Variants in WDR97 observed in about 807,000 individuals in gnomAD.
WDR97 encodes the protein WD repeat domain 97.
A neutral mutation model predicts 65.4 loss-of-function variants in WDR97; 111 were observed. The ratio of observed to expected loss-of-function variants is 1.70; its 90% CI spans 1.45 to 1.99. The LOEUF (loss-of-function observed/expected upper bound fraction) is 1.99. WDR97 is among the 30% of genes most tolerant of loss of function. The pLI is 0.00. For synonymous variants in WDR97, 802 were observed against 397.7 expected, an observed-to-expected ratio of 2.02 and a Z score of -12.10; for missense variants, 1,674 against 865.0, an observed-to-expected ratio of 1.94 and a Z score of -11.73.
At position 144,116,954 on chromosome 8, in the gene WDR97, T is replaced by A. The variant is rs1814766542; in HGVS notation, c.*661T>A. The A allele has an allele frequency of 6.6e-6, 1 of 152,302 alleles. No homozygotes were observed. The highest frequency in any genetic ancestry group is 2.4e-5 in the African/African-American group (1 of 41,462). The allele number at this position is 152,302 out of a possible 1,614,324, so 9.4% of individuals were successfully genotyped here. ...AGGGCGCAAGACCTGTGCACAGAGT[T>A]CTTGGGGCAGCTCTGGGGGGAATCC... On this transcript the variant is annotated 3_prime_UTR_variant, in exon 24 of 24. Coordinates refer to ENST00000323662, the MANE Select transcript of WDR97 (RefSeq NM_001316309.2).
At chr8:144,111,554 C>T in intron 11 of WDR97, 68 bp downstream of exon 11, 1 of 688,662 alleles carries the variant, frequency 1.5e-6, no homozygotes, top group Non-Finnish European at 2.7e-6. Flanking sequence ...TGGGGCAGGC[C>T]TGGGATCCCC....
Position 144,108,575 on chromosome 8 carries a change from G to A in WDR97, c.509G>A (p.Gly170Asp), listed in dbSNP as rs1315515393. 2 of 700,818 alleles carry A rather than the reference G, an allele frequency of 2.9e-6. No individual in the cohort carries two copies. Among genetic ancestry groups the A allele is most frequent in the South Asian group, 3.0e-5 (2 of 67,516 alleles). 43.4% of individuals were successfully genotyped at this position (700,818 alleles called of 1,614,324 possible). Residue 170 changes from glycine to aspartate, a missense_variant, in exon 3 of 24, where the codon GGC becomes GAC. Physicochemically the swap from Gly to Asp is moderately conservative, Grantham distance 94. Coordinates refer to ENST00000323662, the MANE Select transcript of WDR97 (RefSeq NM_001316309.2). The stretch of plus-strand genomic sequence containing the variant: ...GCCGTGGGCCGTTTTGTAGGCTGGG[G>A]CCCCGCGGGGCTGGCAATTCTGAGG... ...LGAVGRFVGWGPAGLAILRPN... is the reference protein window; with the variant it reads ...LGAVGRFVGWDPAGLAILRPN...
rs1236058053 is a variant in WDR97, at chr8:144,115,809, AC to A, written c.4547del (p.Thr1516ArgfsTer37). On this transcript the variant is annotated frameshift_variant, in exon 22 of 24. Coordinates refer to ENST00000323662, the MANE Select transcript of WDR97 (RefSeq NM_001316309.2). LOFTEE classifies it high-confidence loss of function. ...GCACCCACACCCGCCAGAGCCCTACACGGTGGCGCCGGTGCCCGACATGGTG... is the reference window on the plus strand; with the variant it reads ...GCACCCACACCCGCCAGAGCCCTACAGGTGGCGCCGGTGCCCGACATGGTG... ...AAHPHPPEPY[T>X]VAPVPDMVVP... 3 of 690,022 alleles carry A rather than the reference AC, an allele frequency of 4.3e-6. No homozygotes were observed. In the Admixed American group the frequency reaches 6.1e-5, roughly 14 times the overall value. 42.7% of individuals were successfully genotyped at this position (690,022 alleles called of 1,614,324 possible). A position where few individuals can be genotyped will look rare whatever the true frequency, so the allele number is the denominator to read the frequency against.
chr8:144,109,953 TCTC>T lies in WDR97; in HGVS notation c.1625_1627del (p.Ser542del), dbSNP rs754175553. 228 of 701,980 alleles carry T rather than the reference TCTC, an allele frequency of 3.2e-4. 1 individual carries two copies. In the Middle Eastern group the frequency reaches 4.6e-3, roughly 14 times the overall value. The allele number at this position is 701,980 out of a possible 1,614,324, so 43.5% of individuals were successfully genotyped here. ...CACCTCACGGATCTCGAAGGCGCCT[TCTC>T]CTCCTGGGAGATCGTGCGCCAGCAC... On this transcript the variant is annotated inframe_deletion, in exon 5 of 24. Transcript: ENST00000323662.
chr8:144,113,917 G>A (rs1836598170), intron 17 of WDR97, 36 bp downstream of exon 17: 3 of 687,642 alleles, frequency 4.4e-6, no homozygotes, highest in Non-Finnish European at 8.0e-6. Flanking sequence ...GCCACCACGG[G>A]AGGTGGGCTT....
Position 144,109,623 on chromosome 8 carries a change from T to C in WDR97, c.1289T>C (p.Val430Ala). Residue 430 changes from valine (V) to alanine (A), a missense_variant, in exon 5 of 24, where the codon GTG becomes GCG. By Grantham distance (64) the Val-to-Ala change is moderately conservative. Transcript: ENST00000323662. ...CCCGCCAAGGTGCTCCACGTGCAGGTGGCGCCCGCGTTGCCCGCGCCTGCG... is the reference window on the plus strand; with the variant it reads ...CCCGCCAAGGTGCTCCACGTGCAGGCGGCGCCCGCGTTGCCCGCGCCTGCG... Reference protein sequence around the residue: ...QLPAKVLHVQVAPALPAPAHQ... With the variant: ...QLPAKVLHVQAAPALPAPAHQ... 1 of 683,186 alleles carries C rather than the reference T, an allele frequency of 1.5e-6. No homozygotes were observed. The highest frequency in any genetic ancestry group is 2.7e-6 in the Non-Finnish European group (1 of 376,416). 42.3% of individuals were successfully genotyped at this position (683,186 alleles called of 1,614,324 possible).
At position 144,110,383 on chromosome 8, in the gene WDR97, C is replaced by G; in HGVS notation, c.1886C>G (p.Ala629Gly). 2.8e-6 allele frequency: 2 copies of G among 702,974 alleles called. No individual in the cohort carries two copies. The highest frequency in any genetic ancestry group is 2.6e-6 in the Non-Finnish European group (1 of 384,980). The allele number at this position is 702,974 out of a possible 1,614,324, so 43.5% of individuals were successfully genotyped here. A position where few individuals can be genotyped will look rare whatever the true frequency, so the allele number is the denominator to read the frequency against. ...TVKMWRVFPY[A>G]EESLSLLRTF... ...AAGATGTGGCGCGTCTTCCCCTATG[C>G]CGAAGAGAGCCTGAGCCTGCTGCGC... The change falls in exon 7 of 24, where the codon GCC (alanine) becomes GGC (glycine). Residue 629 changes from alanine (A) to glycine (G), a missense_variant. Physicochemically the swap from Ala to Gly is moderately conservative, Grantham distance 60. Transcript: ENST00000323662.
At chr8:144,111,546 G>A (rs1286270697) in intron 11 of WDR97, 60 bp downstream of exon 11, 9 of 691,794 alleles carry the variant, frequency 1.3e-5, no homozygotes, top group Non-Finnish European at 2.1e-5. Context: ...GTCAGCCCTG[G>A]GGCAGGCCTG....
chr8:144,111,525 A>G, intron 11 of WDR97, 39 bp downstream of exon 11: 1 of 699,360 alleles, frequency 1.4e-6, no homozygotes, highest in East Asian at 2.7e-5. Context: ...GCCCCGGCTC[A>G]GGCCCCAGCC....
intron 15 of WDR97, 34 bp downstream of exon 15, chr8:144,112,564 C>T (rs896127754): frequency 4.3e-6 from 3 of 702,352 alleles, no homozygotes; most frequent in African/African-American, 3.5e-5. Context: ...GAGAGCCACT[C>T]CTCTCCAGGC....
rs1488609693 is a variant in WDR97, at chr8:144,115,691, G to C, written c.4428G>C (p.Ser1476=). The change falls in exon 22 of 24, where the codon TCG becomes TCC. Residue 1476 remains serine, a synonymous_variant. Coordinates refer to ENST00000323662, the MANE Select transcript of WDR97 (RefSeq NM_001316309.2). ...PPLEETDWSH[S]QLLDLGPIDA... ...TGGAGGAGACCGACTGGTCGCACTC[G>C]CAGCTGCTGGACTTGGGCCCCATCG... 1.4e-6 allele frequency: 1 copy of C among 700,646 alleles called. No homozygotes were observed. Among genetic ancestry groups the C allele is most frequent in the South Asian group, 1.5e-5 (1 of 67,436 alleles). 43.4% of individuals were successfully genotyped at this position (700,646 alleles called of 1,614,324 possible).
chr8:144,116,993 C>T lies in WDR97; in HGVS notation c.*700C>T, dbSNP rs139026734. Reference sequence around the variant, plus strand: ...TGGGGGGAATCCCCGGCTTTTACACCTGTCTTTTGTGTTGTCTGAGCAGTG... The same window carrying T: ...TGGGGGGAATCCCCGGCTTTTACACTTGTCTTTTGTGTTGTCTGAGCAGTG... On this transcript the variant is annotated 3_prime_UTR_variant, in exon 24 of 24. Coordinates refer to ENST00000323662, the MANE Select transcript of WDR97 (RefSeq NM_001316309.2). 4 of 152,470 alleles carry T rather than the reference C, an allele frequency of 2.6e-5. No individual in the cohort carries two copies. The highest frequency in any genetic ancestry group is 7.2e-5 in the African/African-American group (3 of 41,584). 9.4% of individuals were successfully genotyped at this position (152,470 alleles called of 1,614,324 possible).
rs1836618147 is a variant in WDR97 at position 144,114,793 on chromosome 8, C to T, written c.3959C>T (p.Pro1320Leu). The change falls in exon 21 of 24, where the codon CCA becomes CTA. Residue 1320 changes from proline to leucine, a missense_variant. Coordinates refer to ENST00000323662, the MANE Select transcript of WDR97 (RefSeq NM_001316309.2). ...KLLHGLGLQD[P>L]EGFLFKEMMT... is the part of the protein sequence containing the mutation. ...CTGCACGGGCTGGGCCTTCAGGACC[C>T]AGAGGGCTTCCTATTCAAGGAGATG... is the stretch of plus-strand genomic sequence containing the variant. 2.8e-6 allele frequency: 2 copies of T among 702,466 alleles called. No homozygotes were observed. Among genetic ancestry groups the T allele is most frequent in the Non-Finnish European group, 5.2e-6 (2 of 384,866 alleles). 43.5% of individuals were successfully genotyped at this position (702,466 alleles called of 1,614,324 possible).
rs1000506680 is a variant in WDR97 at position 144,116,307 on chromosome 8, C to G, written c.*14C>G. 1.7e-6 allele frequency: 1 copy of G among 601,084 alleles called. No individual in the cohort carries two copies. The highest frequency in any genetic ancestry group is 1.9e-5 in the African/African-American group (1 of 53,070). 37.2% of individuals were successfully genotyped at this position (601,084 alleles called of 1,614,324 possible). A position where few individuals can be genotyped will look rare whatever the true frequency, so the allele number is the denominator to read the frequency against. On this transcript the variant is annotated 3_prime_UTR_variant, in exon 24 of 24. Coordinates refer to ENST00000323662, the MANE Select transcript of WDR97 (RefSeq NM_001316309.2). ...ACCTACAGCTGACCGGACTGGTGGCCTCAGCCCGCCTGGCTCTGGGGCCTG... is the reference window on the plus strand; with the variant it reads ...ACCTACAGCTGACCGGACTGGTGGCGTCAGCCCGCCTGGCTCTGGGGCCTG...
Position 144,108,530 on chromosome 8 carries a change from C to A in WDR97, c.464C>A (p.Thr155Asn), listed in dbSNP as rs1465877109. The A allele has an allele frequency of 4.3e-6, 3 of 700,720 alleles. No individual in the cohort carries two copies. The highest frequency in any genetic ancestry group is 7.8e-6 in the Non-Finnish European group (3 of 384,360). The allele number at this position is 700,720 out of a possible 1,614,324, so 43.4% of individuals were successfully genotyped here. A position where few individuals can be genotyped will look rare whatever the true frequency, so the allele number is the denominator to read the frequency against. Residue 155 changes from threonine to asparagine, a missense_variant, in exon 3 of 24, where the codon ACC (threonine) becomes AAC (asparagine). Thr to Asn is a moderately conservative substitution (Grantham distance 65). Transcript: ENST00000323662. ...CCTGTCCGGCTTACGGGGCTGGTGACCGTGCTGGGCCCGCTGGGTGCCGTG... is the reference window on the plus strand; with the variant it reads ...CCTGTCCGGCTTACGGGGCTGGTGAACGTGCTGGGCCCGCTGGGTGCCGTG... Reference protein sequence around the residue: ...LAPVRLTGLVTVLGPLGAVGR... With the variant: ...LAPVRLTGLVNVLGPLGAVGR...
Position 144,110,392 on chromosome 8 carries a change from G to A in WDR97, c.1895G>A (p.Ser632Asn), listed in dbSNP as rs1836522020. ...CGCGTCTTCCCCTATGCCGAAGAGAGCCTGAGCCTGCTGCGCACCTTCTCC... is the reference window on the plus strand; with the variant it reads ...CGCGTCTTCCCCTATGCCGAAGAGAACCTGAGCCTGCTGCGCACCTTCTCC... ...MWRVFPYAEESLSLLRTFSCC... is the reference protein window; with the variant it reads ...MWRVFPYAEENLSLLRTFSCC... The change falls in exon 7 of 24, where the codon AGC becomes AAC. Residue 632 changes from serine to asparagine, a missense_variant. Ser to Asn is a conservative substitution (Grantham distance 46). Transcript: ENST00000323662. The A allele has an allele frequency of 2.8e-6, 2 of 703,006 alleles. No individual in the cohort carries two copies. Among genetic ancestry groups the A allele is most frequent in the Non-Finnish European group, 5.2e-6 (2 of 384,992 alleles). 43.5% of individuals were successfully genotyped at this position (703,006 alleles called of 1,614,324 possible). A position where few individuals can be genotyped will look rare whatever the true frequency, so the allele number is the denominator to read the frequency against.
rs1051629368 is a variant in WDR97 at position 144,115,664 on chromosome 8, G to A, written c.4401G>A (p.Pro1467=). The change falls in exon 22 of 24, where the codon CCG becomes CCA. Residue 1467 remains proline (P), a synonymous_variant. Transcript: ENST00000323662. ...GPAQLPGEPP[P]LEETDWSHSQ... Reference sequence around the variant, plus strand: ...CTCAGCTGCCCGGAGAGCCGCCGCCGCTGGAGGAGACCGACTGGTCGCACT... The same window carrying A: ...CTCAGCTGCCCGGAGAGCCGCCGCCACTGGAGGAGACCGACTGGTCGCACT... The A allele has an allele frequency of 1.1e-5, 8 of 696,894 alleles. No individual in the cohort carries two copies. The Admixed American group carries it at 1.4e-4, about 12-fold the overall frequency. 43.2% of individuals were successfully genotyped at this position (696,894 alleles called of 1,614,324 possible). A position where few individuals can be genotyped will look rare whatever the true frequency, so the allele number is the denominator to read the frequency against.
chr8:144,108,172 A>G lies in WDR97; in HGVS notation c.226A>G (p.Ser76Gly). The G allele has an allele frequency of 1.4e-6, 1 of 702,072 alleles. No homozygotes were observed. Among genetic ancestry groups the G allele is most frequent in the Non-Finnish European group, 2.6e-6 (1 of 384,596 alleles). 43.5% of individuals were successfully genotyped at this position (702,072 alleles called of 1,614,324 possible). Residue 76 changes from serine to glycine, a missense_variant, in exon 2 of 24, where the codon AGC (serine) becomes GGC (glycine). By Grantham distance (56) the Ser-to-Gly change is moderately conservative. Coordinates refer to ENST00000323662, the MANE Select transcript of WDR97 (RefSeq NM_001316309.2). ...CCGGCTGTGGCTGCTTCTGCGCACC[A>G]GCCTCCACGAAGTCGTGGAAAAGGT... ...ARRLWLLLRT[S>G]LHEVVEKEKR... is the part of the protein sequence containing the mutation.
Position 144,112,458 on chromosome 8 carries a change from G to A in WDR97, c.3033G>A (p.Leu1011=), listed in dbSNP as rs1473148078. The change falls in exon 15 of 24, where the codon CTG becomes CTA. Residue 1011 remains leucine (L), a synonymous_variant. Coordinates refer to ENST00000323662, the MANE Select transcript of WDR97 (RefSeq NM_001316309.2). ...SSHLQCRIPL[L]PKRWDKEPLS... Reference sequence around the variant, plus strand: ...ATTCCATCCCCCAGATCCCACTGCTGCCAAAGAGATGGGACAAGGAACCTC... The same window carrying A: ...ATTCCATCCCCCAGATCCCACTGCTACCAAAGAGATGGGACAAGGAACCTC... The A allele has an allele frequency of 3.7e-5, 26 of 702,658 alleles. No individual in the cohort carries two copies. In the East Asian group the frequency reaches 6.4e-4, roughly 17 times the overall value. 43.5% of individuals were successfully genotyped at this position (702,658 alleles called of 1,614,324 possible).
Sources: gnomAD v4.1 joint callset for allele counts on GRCh38, gnomAD v4.1.1 for gene constraint, MANE v1.5 for transcripts, NCBI Gene and HGNC (gene_info 2026-07-23, HGNC 2026-07-21) for gene names.